The following ARHGAP25 variants were observed in gnomAD, a reference collection of about 807,000 sequenced individuals.
ARHGAP25 encodes the protein rho GTPase-activating protein 25.
A neutral mutation model predicts 71.0 loss-of-function variants in ARHGAP25; 34 were observed. That is an observed-to-expected ratio of 0.48 (90% CI 0.36 to 0.64). ARHGAP25 has a LOEUF of 0.64. ARHGAP25 is among the 30% of genes least tolerant of loss of function. The pLI is 0.00. For synonymous variants in ARHGAP25, 282 were observed against 296.5 expected (o/e 0.95, Z 0.50); for missense variants, 706 against 805.1 (o/e 0.88, Z 1.49).
At chr2:68,735,433 G>T in intron 1 of ARHGAP25, 173 bp downstream of exon 1, 1 of 664,506 alleles carries the variant, frequency 1.5e-6, no homozygotes, top group Admixed American at 2.6e-5. Flanking sequence ...CTAAAATGCT[G>T]GGAGGGGGTT....
intron 3 of ARHGAP25, among the ~76,000 whole-genome samples, chr2:68,784,577 A>G (rs977822512): frequency 2.0e-5 from 3 of 152,100 alleles, no homozygotes; most frequent in African/African-American, 7.2e-5. Flanking sequence ...ATAACTATCT[A>G]TTCTTCTATT....
intron 5 of ARHGAP25, among the ~76,000 whole-genome samples, chr2:68,810,649 G>A (rs1476651145): frequency 6.6e-6 from 1 of 151,562 alleles, no homozygotes; most frequent in Non-Finnish European, 1.5e-5. Context: ...AATTTCTCCT[G>A]ATTAAACTGT....
intron 3 of ARHGAP25, among the ~76,000 whole-genome samples, chr2:68,786,127 C>A (rs745358923): frequency 4.6e-5 from 7 of 152,158 alleles, no homozygotes; most frequent in Non-Finnish European, 1.0e-4. Context: ...CTCTCCTAAC[C>A]AGAAGAGTTA....
At chr2:68,727,740 C>A (rs950368074) in intron 2 of ARHGAP25, among the ~76,000 whole-genome samples, 5 of 152,256 alleles carry the variant, frequency 3.3e-5, no homozygotes, top group African/African-American at 1.2e-4. Flanking sequence ...TGCTCCATTC[C>A]CCTGCCCAGG....
At chr2:68,760,812 T>C (rs1326780104) in intron 1 of ARHGAP25, among the ~76,000 whole-genome samples, 14 of 127,850 alleles carry the variant, frequency 1.1e-4, no homozygotes, top group African/African-American at 4.2e-4. Context: ...TTTGTAGAAA[T>C]AGAAAAACTC....
Position 68,735,269 on chromosome 2 carries a change from G to T in ARHGAP25, c.61+9G>T, listed in dbSNP as rs201503500. On this transcript the variant is annotated intron_variant, in intron 1 of 10. Transcript: ENST00000409202. ...GGAGGCTGCGAAAATAGGTATGGTT[G>T]GTGTCTTTTCGTTGCCTCTGTGATT... The T allele has an allele frequency of 3.2e-5, 52 of 1,613,812 alleles. No individual in the cohort carries two copies. Among genetic ancestry groups the T allele is most frequent in the Non-Finnish European group, 3.6e-5 (43 of 1,179,712 alleles).
intron 2 of ARHGAP25, among the ~76,000 whole-genome samples, chr2:68,780,052 A>T (rs997317088): frequency 1.3e-5 from 2 of 152,196 alleles, no homozygotes; most frequent in African/African-American, 4.8e-5. Flanking sequence ...ATTTCTTATT[A>T]TCTAGCTTTT....
rs1281579524 is a variant in ARHGAP25, at chr2:68,816,440, C to T, written c.881+78C>T. 8.5e-6 allele frequency: 10 copies of T among 1,172,348 alleles called. No individual in the cohort carries two copies. In the South Asian group the frequency reaches 1.1e-4, roughly 13 times the overall value. 72.6% of individuals were successfully genotyped at this position (1,172,348 alleles called of 1,614,324 possible). On this transcript the variant is annotated intron_variant, in intron 7 of 10. Coordinates refer to ENST00000409202, the MANE Select transcript of ARHGAP25 (RefSeq NM_001007231.3). ...CTCCTAGTTAGAAGAGGAGGGACCACGTCTGTGAACAGAGAGATTCTGGTC... is the reference window on the plus strand; with the variant it reads ...CTCCTAGTTAGAAGAGGAGGGACCATGTCTGTGAACAGAGAGATTCTGGTC...
chr2:68,730,245 A>G (rs1190288949), upstream of ARHGAP25, among the ~76,000 whole-genome samples: 1 of 152,272 alleles, frequency 6.6e-6, no homozygotes, highest in Admixed American at 6.5e-5. Context: ...CTTATTACAC[A>G]TTAAGTGGTA....
intron 1 of ARHGAP25, 119 bp downstream of exon 1, chr2:68,735,379 T>C: frequency 9.3e-7 from 1 of 1,070,456 alleles, no homozygotes; most frequent in Non-Finnish European, 1.4e-6. Flanking sequence ...AAATCTGAGT[T>C]TGAGGGACCA....
intron 1 of ARHGAP25, among the ~76,000 whole-genome samples, chr2:68,754,196 C>A (rs922195768): frequency 1.3e-5 from 2 of 152,196 alleles, no homozygotes; most frequent in African/African-American, 2.4e-5. Context: ...ACAACCACCA[C>A]AATCAAGAGT....
intron 1 of ARHGAP25, among the ~76,000 whole-genome samples, chr2:68,769,705 C>A (rs72895983): frequency 0.029 from 4,365 of 151,566 alleles, 220 homozygotes; most frequent in African/African-American, 0.1. Context: ...CTAAGTCTGG[C>A]AGGGCCAGGA....
intron 4 of ARHGAP25, among the ~76,000 whole-genome samples, chr2:68,800,602 T>C (rs1050309705): frequency 6.6e-6 from 1 of 152,146 alleles, no homozygotes; most frequent in African/African-American, 2.4e-5. Context: ...TGAGACTTTA[T>C]GATCTCTGAA....
intron 3 of ARHGAP25, among the ~76,000 whole-genome samples, chr2:68,786,273 T>C (rs1307689233): frequency 6.6e-6 from 1 of 152,196 alleles, no homozygotes; most frequent in Admixed American, 6.5e-5. Context: ...CATAGTAGAC[T>C]GGAGTTGAGG....
intron 10 of ARHGAP25, 28 bp from the exon 11 acceptor site, chr2:68,825,959 T>C: frequency 1.9e-6 from 3 of 1,579,598 alleles, no homozygotes; most frequent in Non-Finnish European, 2.6e-6. Context: ...TGCCACATTC[T>C]TTCATTCTTT....
At chr2:68,745,212 G>C (rs911351073) in intron 1 of ARHGAP25, among the ~76,000 whole-genome samples, 6 of 152,096 alleles carry the variant, frequency 3.9e-5, no homozygotes, top group Admixed American at 3.9e-4. Flanking sequence ...CCTTTGCAGA[G>C]CTGTTAGGTA....
intron 2 of ARHGAP25, among the ~76,000 whole-genome samples, chr2:68,781,492 G>C (rs2104388655): frequency 6.6e-6 from 1 of 152,296 alleles, no homozygotes; most frequent in Non-Finnish European, 1.5e-5. Flanking sequence ...TAATATATCT[G>C]TGTGTAAGAG....
chr2:68,766,928 A>G (rs1677160134), intron 1 of ARHGAP25, among the ~76,000 whole-genome samples: 2 of 152,230 alleles, frequency 1.3e-5, no homozygotes, highest in South Asian at 4.1e-4. Context: ...TTTCCAAAGC[A>G]GATTCTTTTC....
intron 2 of ARHGAP25, chr2:68,775,757 T>C (rs919245320): frequency 6.0e-6 from 3 of 501,906 alleles, no homozygotes; most frequent in Non-Finnish European, 1.2e-5. Context: ...TTGGGACTCA[T>C]TGATTTGTTT....
Sources: gnomAD v4.1 joint callset for allele counts (sites outside exome capture counted in the v4.1 genomes callset) on GRCh38, gnomAD v4.1.1 for gene constraint, MANE v1.5 for transcripts, NCBI Gene and HGNC (gene_info 2026-07-23, HGNC 2026-07-21) for gene names.